Variants in SH3BP5 observed in about 807,000 individuals in gnomAD.
The protein encoded by SH3BP5 is SH3 domain binding protein 5.
In SH3BP5, 22 loss-of-function variants were observed where a neutral mutation model predicts 43.3. The observed-to-expected ratio is 0.51, with a 90% confidence interval of 0.36 to 0.73. The LOEUF (loss-of-function observed/expected upper bound fraction) is 0.73, where lower values mean the gene tolerates loss of function less well. Ranked by LOEUF, SH3BP5 falls within the 30% of genes least tolerant of loss-of-function variation. SH3BP5 has a pLI of 0.00. For synonymous variants in SH3BP5, 255 were observed against 225.8 expected, an observed-to-expected ratio of 1.13 and a Z score of -1.16; for missense variants, 529 against 586.9, an observed-to-expected ratio of 0.90 and a Z score of 1.02.
In SH3BP5 at chr3:15,255,939, C is replaced by CG. The variant is rs1696178190; in HGVS notation, c.*146_*147insC. ...AAGAGCTCTTACCCAGAAGAACAAT[C>CG]TTTAGCCCTCAAGGTCACTGAAACT... On this transcript the variant is annotated 3_prime_UTR_variant, in exon 9 of 9. Coordinates refer to ENST00000383791, the MANE Select transcript of SH3BP5 (RefSeq NM_004844.5). 8.2e-6 allele frequency: 6 copies of CG among 728,314 alleles called. No individual in the cohort carries two copies. The highest frequency in any genetic ancestry group is 1.4e-5 in the Non-Finnish European group (6 of 429,772). 45.1% of individuals were successfully genotyped at this position (728,314 alleles called of 1,614,324 possible). A position where few individuals can be genotyped will look rare whatever the true frequency, so the allele number is the denominator to read the frequency against.
chr3:15,284,838 G>C (rs543108663), intron 3 of SH3BP5, among the ~76,000 whole-genome samples: 116 of 152,306 alleles, frequency 7.6e-4, no homozygotes, highest in African/African-American at 2.8e-3. Flanking sequence ...CCCATAAAAG[G>C]TATGTGAAGG....
intron 3 of SH3BP5, among the ~76,000 whole-genome samples, chr3:15,291,534 C>G (rs1485439579): frequency 6.6e-6 from 1 of 152,150 alleles, no homozygotes; most frequent in Non-Finnish European, 1.5e-5. Context: ...ACTGGGTGTT[C>G]TGTATTCCCA....
At chr3:15,324,045 C>G (rs960742710) in intron 2 of SH3BP5, among the ~76,000 whole-genome samples, 6 of 152,188 alleles carry the variant, frequency 3.9e-5, no homozygotes, top group African/African-American at 1.4e-4. Context: ...GCAGCCCTGG[C>G]TCAGGCTACC....
Position 15,278,273 on chromosome 3 carries a change from G to C in SH3BP5, c.331-8396C>G, listed in dbSNP as rs181714595. Among the ~76,000 whole-genome samples, 199 of 152,348 alleles carry C rather than the reference G, an allele frequency of 1.3e-3. 1 individual carries two copies. The highest frequency in any genetic ancestry group is 2.6e-3 in the Non-Finnish European group (177 of 68,032). On this transcript the variant is annotated intron_variant, in intron 3 of 8. Transcript: ENST00000383791. ...TCAGAGGCCTTTCCAACCCAACCGA[G>C]GAAGATCAAAAACCTTTGAAAACAT... is the stretch of plus-strand genomic sequence containing the variant.
At position 15,259,779 on chromosome 3, in the gene SH3BP5, C is replaced by T. The variant is rs754238654; in HGVS notation, c.651G>A (p.Lys217=). 1.2e-6 allele frequency: 2 copies of T among 1,614,164 alleles called. No homozygotes were observed. The highest frequency in any genetic ancestry group is 1.7e-6 in the Non-Finnish European group (2 of 1,180,020). Residue 217 remains lysine, a synonymous_variant, in exon 6 of 9, where the codon AAG becomes AAA. Coordinates refer to ENST00000383791, the MANE Select transcript of SH3BP5 (RefSeq NM_004844.5). The stretch of plus-strand genomic sequence containing the variant: ...CACATACCTCGAGCTGCACATAGTA[C>T]TTTGCCTTGAGTTCAAAATAAGGCC... ...KSKPYFELKA[K]YYVQLEQLKK... is the part of the protein sequence containing the mutation.
chr3:15,338,732 A>C (rs1340186481), intron 1 of SH3BP5, among the ~76,000 whole-genome samples: 2 of 152,128 alleles, frequency 1.3e-5, no homozygotes, highest in African/African-American at 4.8e-5. Context: ...CCCCGAAAAA[A>C]AAAAAACCTA....
chr3:15,270,700 C>T (rs1473160188), intron 3 of SH3BP5, among the ~76,000 whole-genome samples: 2 of 151,934 alleles, frequency 1.3e-5, no homozygotes, highest in Non-Finnish European at 2.9e-5. Flanking sequence ...GGGAGGCAGG[C>T]GGATCACTTG....
chr3:15,287,220 G>A (rs574947986), intron 3 of SH3BP5, among the ~76,000 whole-genome samples: 1 of 152,342 alleles, frequency 6.6e-6, no homozygotes, highest in South Asian at 2.1e-4. Flanking sequence ...CAAGCATTAT[G>A]TAGCATTAGC....
chr3:15,335,002 G>T (rs2124839953), upstream of SH3BP5, among the ~76,000 whole-genome samples: 1 of 152,166 alleles, frequency 6.6e-6, no homozygotes, highest in East Asian at 1.9e-4. Context: ...GCCAGATGTG[G>T]TGGCTCATGC....
In SH3BP5 at chr3:15,256,095, C is replaced by G; in HGVS notation, c.1359G>C (p.Gln453His). The G allele has an allele frequency of 6.2e-7, 1 of 1,613,408 alleles. No homozygotes were observed. The highest frequency in any genetic ancestry group is 8.5e-7 in the Non-Finnish European group (1 of 1,179,370). ...DGIIADIKMVQIG is the reference protein window; with the variant it reads ...DGIIADIKMVHIG ...CAGGGCCCAGGATGAATCAGCCAAT[C>G]TGCACCATTTTTATGTCAGCAATAA... Residue 453 changes from glutamine (Q) to histidine (H), a missense_variant, in exon 9 of 9, where the codon CAG becomes CAC. Around this residue, in one of 3 missense-constraint regions of SH3BP5, gnomAD observed 369 missense variants for 384.3 expected, o/e 0.96. Transcript: ENST00000383791.
chr3:15,331,578 C>T (rs987390604), intron 1 of SH3BP5, among the ~76,000 whole-genome samples: 4 of 152,172 alleles, frequency 2.6e-5, no homozygotes, highest in South Asian at 2.1e-4. Context: ...GGAGGCACAG[C>T]CAGCCAGCCC....
upstream of SH3BP5, among the ~76,000 whole-genome samples, chr3:15,335,968 A>G (rs1231843533): frequency 6.6e-6 from 1 of 152,136 alleles, no homozygotes; most frequent in African/African-American, 2.4e-5. Context: ...TTAAAGATAA[A>G]TTTAAAATAA....
intron 2 of SH3BP5, among the ~76,000 whole-genome samples, chr3:15,311,505 AG>A (rs1311270475): frequency 1.3e-5 from 2 of 151,976 alleles, no homozygotes; most frequent in Non-Finnish European, 2.9e-5. Flanking sequence ...GGTTGCAGTG[AG>A]CTGAGATCAC....
chr3:15,321,328 G>A (rs1370531590), intron 2 of SH3BP5, among the ~76,000 whole-genome samples: 3 of 152,104 alleles, frequency 2.0e-5, no homozygotes, highest in African/African-American at 7.2e-5. Context: ...TGCCTTTATA[G>A]CACTTTTCAT....
chr3:15,259,355 T>C, intron 6 of SH3BP5: 3 of 528,786 alleles, frequency 5.7e-6, no homozygotes, highest in Non-Finnish European at 6.8e-6. Flanking sequence ...TCTAGACATC[T>C]GGTTCCCAGT....
At chr3:15,330,619 C>G (rs1559462752) in intron 1 of SH3BP5, 53 bp from the exon 2 acceptor site, 1 of 1,480,442 alleles carries the variant, frequency 6.8e-7, no homozygotes, top group Non-Finnish European at 9.0e-7. Flanking sequence ...TCTTTTGTTT[C>G]CAATATAACT....
intron 3 of SH3BP5, among the ~76,000 whole-genome samples, chr3:15,294,105 CAAGAAAA>C (rs1157419872): frequency 7.0e-6 from 1 of 143,184 alleles, no homozygotes; most frequent in Non-Finnish European, 1.5e-5. Flanking sequence ...AGAAAAGAAA[CAAGAAAA>C]AGAAAAGAGT....
intron 5 of SH3BP5, among the ~76,000 whole-genome samples, chr3:15,260,899 A>G (rs1244547317): frequency 2.6e-5 from 4 of 152,232 alleles, no homozygotes; most frequent in Non-Finnish European, 5.9e-5. Flanking sequence ...GCAAAGTACA[A>G]TCACAAGATT....
In SH3BP5 at chr3:15,258,915, G is replaced by T. The variant is rs770323940; in HGVS notation, c.805C>A (p.Arg269=). Residue 269 remains arginine, a synonymous_variant, in exon 7 of 9, where the codon CGG becomes AGG. Coordinates refer to ENST00000383791, the MANE Select transcript of SH3BP5 (RefSeq NM_004844.5). ...CCCTCAGCACCAACACCGCATCCCC[G>T]AGGCCCCATGGCACTGGAGCGCCGC... The part of the protein sequence containing the change: ...ERRRSSAMGP[R]GCGVGAEGSS... 1.2e-6 allele frequency: 2 copies of T among 1,614,032 alleles called. No homozygotes were observed. Among genetic ancestry groups the T allele is most frequent in the Admixed American group, 3.3e-5 (2 of 60,002 alleles).
Sources: allele counts gnomAD v4.1 joint callset (sites outside exome capture counted in the v4.1 genomes callset), GRCh38; gene constraint gnomAD v4.1.1; regional missense constraint gnomAD v4.1.1; transcripts MANE v1.5; gene names NCBI Gene and HGNC (gene_info 2026-07-23, HGNC 2026-07-21).